The following UNC13C variants were observed in gnomAD, a reference collection of about 807,000 sequenced individuals.
UNC13C encodes the protein protein unc-13 homolog C.
UNC13C carries 174 observed loss-of-function variants against 245.4 expected under a neutral mutation model. That is an observed-to-expected ratio of 0.71 (90% CI 0.63 to 0.80). The LOEUF (loss-of-function observed/expected upper bound fraction) is 0.80. Among genes scored for constraint, UNC13C ranks in the 30% least tolerant of loss-of-function variants. The pLI is 0.00. For synonymous variants in UNC13C, 992 were observed against 895.1 expected, an observed-to-expected ratio of 1.11 and a Z score of -1.93; for missense variants, 2,829 against 2,602.9, an observed-to-expected ratio of 1.09 and a Z score of -1.89.
intron 26 of UNC13C, among the ~76,000 whole-genome samples, chr15:54,536,295 C>G (rs1052896087): frequency 5.3e-5 from 8 of 151,782 alleles, no homozygotes; most frequent in African/African-American, 1.7e-4. Flanking sequence ...AAATTGAAAC[C>G]CTGAACAGAC....
rs779346011 is a variant in UNC13C at position 54,200,524 on chromosome 15, C to T, written c.3072-34506C>T. On this transcript the variant is annotated intron_variant, in intron 4 of 32. Transcript: ENST00000260323. ...AATAAAATAAAAAGAAAGGAACCCT[C>T]AAAACCGTGCAAATACGTGGAAATG... Among the ~76,000 whole-genome samples the T allele has an allele frequency of 4.0e-4, 61 of 151,854 alleles. 1 individual carries two copies. The highest frequency in any genetic ancestry group is 7.2e-4 in the Non-Finnish European group (49 of 67,876).
chr15:54,391,796 G>A (rs2039962481), intron 17 of UNC13C, among the ~76,000 whole-genome samples: 1 of 151,990 alleles, frequency 6.6e-6, no homozygotes, highest in Non-Finnish European at 1.5e-5. Flanking sequence ...TAAGAATAGA[G>A]GTGTCTAGTA....
At chr15:53,873,173 T>C in the UNC13C span, among the ~76,000 whole-genome samples, 1 of 152,140 alleles carries the variant, frequency 6.6e-6, no homozygotes, top group African/African-American at 2.4e-5. Context: ...TAGTCTTTCC[T>C]CTGGGCTCGG....
chr15:54,123,246 C>T (rs1276785891), intron 2 of UNC13C, among the ~76,000 whole-genome samples: 1 of 151,738 alleles, frequency 6.6e-6, no homozygotes, highest in African/African-American at 2.4e-5. Flanking sequence ...TTCTCTTGTA[C>T]AGTCTCCATT....
At chr15:53,874,122 T>A in the UNC13C span, among the ~76,000 whole-genome samples, 1 of 152,004 alleles carries the variant, frequency 6.6e-6, no homozygotes, top group East Asian at 1.9e-4. Context: ...ACTATGGGCA[T>A]GTTTCACCAC....
At chr15:54,289,050 G>A (rs1436730435) in intron 10 of UNC13C, among the ~76,000 whole-genome samples, 5 of 152,042 alleles carry the variant, frequency 3.3e-5, no homozygotes, top group Non-Finnish European at 7.4e-5. Context: ...TTCTGAAGTT[G>A]CACTTAGAAG....
intron 19 of UNC13C, among the ~76,000 whole-genome samples, chr15:54,484,139 A>G (rs1053863019): frequency 6.6e-6 from 1 of 151,978 alleles, no homozygotes; most frequent in African/African-American, 2.4e-5. Flanking sequence ...TTTCTCTTAT[A>G]TGCATTCATA....
chr15:54,186,079 A>G (rs1468106066), intron 4 of UNC13C, among the ~76,000 whole-genome samples: 2 of 151,438 alleles, frequency 1.3e-5, no homozygotes, highest in Admixed American at 1.3e-4. Flanking sequence ...TTTGTCTGTT[A>G]TTGGTGTATA....
intron 8 of UNC13C, 69 bp from the exon 9 acceptor site, chr15:54,264,099 C>A (rs2036493377): frequency 1.4e-6 from 2 of 1,463,436 alleles, no homozygotes; most frequent in Middle Eastern, 1.7e-4. Flanking sequence ...TCCTCCTTTT[C>A]CTCCCTCCTT....
intron 15 of UNC13C, among the ~76,000 whole-genome samples, chr15:54,332,455 C>G (rs1475770682): frequency 6.6e-6 from 1 of 151,864 alleles, no homozygotes; most frequent in Non-Finnish European, 1.5e-5. Context: ...AAAGCTCACC[C>G]TTTGTTACTG....
At chr15:54,552,736 A>C (rs1220553964) in intron 28 of UNC13C, among the ~76,000 whole-genome samples, 1 of 76,356 alleles carries the variant, frequency 1.3e-5, no homozygotes, top group Non-Finnish European at 2.2e-5. Context: ...ATATAATATA[A>C]TATATATTAT....
chr15:54,103,800 A>G (rs886603866), intron 2 of UNC13C, among the ~76,000 whole-genome samples: 1 of 152,118 alleles, frequency 6.6e-6, no homozygotes, highest in South Asian at 2.1e-4. Flanking sequence ...GCTGGAGTGC[A>G]GTGGCGCCAT....
At chr15:54,499,174 A>C (rs1894087917) in intron 20 of UNC13C, among the ~76,000 whole-genome samples, 2 of 152,054 alleles carry the variant, frequency 1.3e-5, no homozygotes. Context: ...GCAAAGAGAG[A>C]ATGGGGCATC....
At chr15:54,462,010 T>C (rs2141026727) in intron 19 of UNC13C, among the ~76,000 whole-genome samples, 1 of 152,278 alleles carries the variant, frequency 6.6e-6, no homozygotes, top group Admixed American at 6.5e-5. Flanking sequence ...TGGCCATCAC[T>C]TGAAGGTATG....
chr15:54,247,440 A>T (rs2036022239), intron 7 of UNC13C, among the ~76,000 whole-genome samples: 1 of 152,278 alleles, frequency 6.6e-6, no homozygotes, highest in Non-Finnish European at 1.5e-5. Context: ...TTATTTTTAT[A>T]TGCTTTTCCT....
At position 54,609,815 on chromosome 15, in the gene UNC13C, G is replaced by A. The variant is rs146792713; in HGVS notation, c.6107-12512G>A. 8.6e-3 allele frequency among the ~76,000 whole-genome samples: 1,315 copies of A among 152,306 alleles called. 11 individuals are homozygous for A. The highest frequency in any genetic ancestry group is 0.013 in the Non-Finnish European group (873 of 68,026). On this transcript the variant is annotated intron_variant, in intron 30 of 32. Transcript: ENST00000260323. Reference sequence around the variant, plus strand: ...AAAGGTTTAATTGACTTACAGTTCAGCATGGCTGGGGAGGCCTCAGGAAAC... The same window carrying A: ...AAAGGTTTAATTGACTTACAGTTCAACATGGCTGGGGAGGCCTCAGGAAAC...
At chr15:54,266,781 T>C (rs752696578) in intron 10 of UNC13C, among the ~76,000 whole-genome samples, 1 of 152,092 alleles carries the variant, frequency 6.6e-6, no homozygotes, top group Non-Finnish European at 1.5e-5. Context: ...ATATTCTTTA[T>C]GCCTCATGGA....
At chr15:54,225,400 C>A (rs1346490832) in intron 4 of UNC13C, among the ~76,000 whole-genome samples, 1 of 152,182 alleles carries the variant, frequency 6.6e-6, no homozygotes, top group African/African-American at 2.4e-5. Flanking sequence ...TTACTTTGGG[C>A]AGTATGCCCA....
At chr15:54,502,528 A>G (rs1894270539) in intron 22 of UNC13C, among the ~76,000 whole-genome samples, 1 of 152,118 alleles carries the variant, frequency 6.6e-6, no homozygotes, top group African/African-American at 2.4e-5. Context: ...TAATTTCCCA[A>G]TATAGCGAAA....
Sources: gnomAD v4.1 joint callset for allele counts (sites outside exome capture counted in the v4.1 genomes callset) on GRCh38, gnomAD v4.1.1 for gene constraint, MANE v1.5 for transcripts, NCBI Gene and HGNC (gene_info 2026-07-23, HGNC 2026-07-21) for gene names.